Variants in HDAC4 observed in about 807,000 individuals in gnomAD.
HDAC4 encodes histone deacetylase 4, also known as histone deacetylase A.
Under a neutral mutation model 135.1 loss-of-function variants are expected in HDAC4, and 16 were observed. That is an observed-to-expected ratio of 0.12 (90% confidence interval 0.08 to 0.18). The LOEUF is 0.18. Among genes scored for constraint, HDAC4 ranks in the 10% least tolerant of loss-of-function variants. The pLI is 1.00. For missense variants in HDAC4, 1,143 were observed against 1,511.8 expected (o/e 0.76, Z 4.05); for synonymous variants, 685 against 653.4 (o/e 1.05, Z -0.74).
chr2:239,058,817 C>T lies in HDAC4; in HGVS notation c.3004-3984G>A, dbSNP rs187312037. Among the ~76,000 whole-genome samples, 164 of 152,324 alleles carry T rather than the reference C, an allele frequency of 1.1e-3. 1 individual carries two copies. Among genetic ancestry groups the T allele is most frequent in the African/African-American group, 3.7e-3 (154 of 41,574 alleles). On this transcript the variant is annotated intron_variant, in intron 24 of 26. Coordinates refer to ENST00000543185, the MANE Select transcript of HDAC4 (RefSeq NM_001378414.1). ...GTCTTTCTCAGATCCAGCAGACAAT[C>T]GTCGGTCAGGAAAACCAAAGCGTGA...
chr2:239,202,832 C>T (rs2045837742), intron 3 of HDAC4, among the ~76,000 whole-genome samples: 2 of 152,184 alleles, frequency 1.3e-5, no homozygotes, highest in African/African-American at 4.8e-5. Context: ...GATCAGGATG[C>T]CACGAGTGTG....
chr2:239,051,562 C>A lies in HDAC4; in HGVS notation c.*1535G>T, dbSNP rs1479262314. 1.3e-5 allele frequency: 2 copies of A among 152,466 alleles called. No individual in the cohort carries two copies. The highest frequency in any genetic ancestry group is 4.8e-5 in the African/African-American group (2 of 41,412). 9.4% of individuals were successfully genotyped at this position (152,466 alleles called of 1,614,324 possible). Reference sequence around the variant, plus strand: ...GGATCTTTTTGTGAAAAAATTCATACAAAAATCAACAGCAAATTTATATTC... The same window carrying A: ...GGATCTTTTTGTGAAAAAATTCATAAAAAAATCAACAGCAAATTTATATTC... On this transcript the variant is annotated 3_prime_UTR_variant, in exon 27 of 27. Coordinates refer to ENST00000543185, the MANE Select transcript of HDAC4 (RefSeq NM_001378414.1).
chr2:239,096,182 C>T lies in HDAC4; in HGVS notation c.2234-1126G>A, dbSNP rs141138961. Among the ~76,000 whole-genome samples the T allele has an allele frequency of 1.2e-4, 18 of 152,258 alleles. 1 individual carries two copies. In the East Asian group the frequency reaches 3.3e-3, roughly 28 times the overall value. ...GCCTCTTGCCTGGAGGGCTTGCCGG[C>T]CCGGTTAGCACGAGAGGAACCCTTC... On this transcript the variant is annotated intron_variant, in intron 16 of 26. Transcript: ENST00000543185.
At chr2:239,163,072 C>T (rs551982268) in intron 6 of HDAC4, among the ~76,000 whole-genome samples, 1 of 115,324 alleles carries the variant, frequency 8.7e-6, no homozygotes, top group African/African-American at 3.5e-5. Flanking sequence ...CTCGCTCGCA[C>T]TGTGCTCTGT....
chr2:239,225,262 C>T (rs1296213647), intron 3 of HDAC4, among the ~76,000 whole-genome samples: 1 of 152,210 alleles, frequency 6.6e-6, no homozygotes, highest in Admixed American at 6.5e-5. Context: ...CCCATTTGAA[C>T]CCCAAGGGAA....
At chr2:239,380,301 T>C (rs918008802) in intron 1 of HDAC4, among the ~76,000 whole-genome samples, 1 of 152,088 alleles carries the variant, frequency 6.6e-6, no homozygotes, top group African/African-American at 2.4e-5. Context: ...TTTAACTTCT[T>C]ATATAATTCA....
intron 2 of HDAC4, among the ~76,000 whole-genome samples, chr2:239,347,396 A>G (rs1692793621): frequency 6.6e-6 from 1 of 152,100 alleles, no homozygotes; most frequent in Admixed American, 6.5e-5. Flanking sequence ...CATTGTGGAC[A>G]GAGACTTTTT....
At position 239,051,724 on chromosome 2, in the gene HDAC4, T is replaced by C. The variant is rs1053574168; in HGVS notation, c.*1373A>G. On this transcript the variant is annotated 3_prime_UTR_variant, in exon 27 of 27. Coordinates refer to ENST00000543185, the MANE Select transcript of HDAC4 (RefSeq NM_001378414.1). Reference sequence around the variant, plus strand: ...TGGCGAATGTGTTGGCGATCTGAAATCTAGCCAATCTGGAGCTTGAGAAAA... The same window carrying C: ...TGGCGAATGTGTTGGCGATCTGAAACCTAGCCAATCTGGAGCTTGAGAAAA... 6.6e-6 allele frequency: 1 copy of C among 152,576 alleles called. No individual in the cohort carries two copies. Among genetic ancestry groups the C allele is most frequent in the African/African-American group, 2.4e-5 (1 of 41,454 alleles). The allele number at this position is 152,576 out of a possible 1,614,324, so 9.5% of individuals were successfully genotyped here.
rs1033562069 is a variant in HDAC4 at position 239,307,463 on chromosome 2, A to AC, written c.22+45214dup. Reference sequence around the variant, plus strand: ...AAAGACCAAGTGGCTACAAAAGGGAACCCCCCTCCCACCACTAATCAGGGA... The same window carrying AC: ...AAAGACCAAGTGGCTACAAAAGGGAACCCCCCCTCCCACCACTAATCAGGGA... On this transcript the variant is annotated intron_variant, in intron 2 of 26. Transcript: ENST00000543185. This position sits in a 1 kb window ranked among gnomAD's most constrained non-coding sequence, Gnocchi z 4.8. Among the ~76,000 whole-genome samples the AC allele has an allele frequency of 1.3e-5, 2 of 151,328 alleles. No homozygotes were observed. The highest frequency in any genetic ancestry group is 2.9e-5 in the Non-Finnish European group (2 of 67,874).
At position 239,134,268 on chromosome 2, in the gene HDAC4, G is replaced by A. The variant is rs764264987; in HGVS notation, c.1271C>T (p.Pro424Leu). The change falls in exon 11 of 27, where the codon CCG becomes CTG. Residue 424 changes from proline to leucine, a missense_variant. Around this residue, in one of 9 missense-constraint regions of HDAC4, gnomAD observed 272 missense variants for 309.7 expected, o/e 0.88. Coordinates refer to ENST00000543185, the MANE Select transcript of HDAC4 (RefSeq NM_001378414.1). Reference sequence around the variant, plus strand: ...ACCTGTGACGAGGGGTGCTTGTGCCGGCGGCTGCTCCAGTAAGACCATGTG... The same window carrying A: ...ACCTGTGACGAGGGGTGCTTGTGCCAGCGGCTGCTCCAGTAAGACCATGTG... Reference protein sequence around the residue: ...LQHMVLLEQPPAQAPLVTDWY... With the variant: ...LQHMVLLEQPLAQAPLVTDWY... 32 of 1,612,122 alleles carry A rather than the reference G, an allele frequency of 2.0e-5. No individual in the cohort carries two copies. In the Admixed American group the frequency reaches 2.5e-4, roughly 13 times the overall value.
intron 11 of HDAC4, among the ~76,000 whole-genome samples, chr2:239,127,932 A>G (rs2040307984): frequency 6.6e-6 from 1 of 152,254 alleles, no homozygotes; most frequent in Non-Finnish European, 1.5e-5. Flanking sequence ...CATGCTGCTT[A>G]GTGCTTCTCA....
chr2:239,229,792 C>T (rs1340548828), intron 3 of HDAC4, among the ~76,000 whole-genome samples: 2 of 152,098 alleles, frequency 1.3e-5, no homozygotes, highest in Non-Finnish European at 2.9e-5. Flanking sequence ...GTGGATGAGG[C>T]CTCCAGGAAG....
rs946608586 is a variant in HDAC4 at position 239,146,603 on chromosome 2, C to T, written c.734-1889G>A. Reference sequence around the variant, plus strand: ...CGCTGCCACCAGGTCATCAGTCAGGCGGCAGATCCTCCACAGCCCTGCCGG... The same window carrying T: ...CGCTGCCACCAGGTCATCAGTCAGGTGGCAGATCCTCCACAGCCCTGCCGG... On this transcript the variant is annotated intron_variant, in intron 7 of 26. Transcript: ENST00000543185. The surrounding 1 kb of genome is among the most constrained non-coding windows in gnomAD (Gnocchi z 4.5). Among the ~76,000 whole-genome samples the T allele has an allele frequency of 1.3e-5, 2 of 152,148 alleles. No homozygotes were observed. Among genetic ancestry groups the T allele is most frequent in the African/African-American group, 4.8e-5 (2 of 41,436 alleles).
intron 12 of HDAC4, among the ~76,000 whole-genome samples, chr2:239,116,393 C>T (rs1266523657): frequency 1.3e-5 from 2 of 152,344 alleles, no homozygotes; most frequent in South Asian, 4.1e-4. Flanking sequence ...CTCTCTCTGG[C>T]CAGCTGTCCA....
At chr2:239,081,310 CCCA>C in intron 21 of HDAC4, 118 bp from the exon 22 acceptor site, 2 of 806,318 alleles carry the variant, frequency 2.5e-6, no homozygotes, top group East Asian at 5.3e-5. Context: ...CTGGGGAGAG[CCCA>C]CGTGTCCTGA....
intron 1 of HDAC4, among the ~76,000 whole-genome samples, chr2:239,398,883 C>A (rs888126653): frequency 1.3e-5 from 2 of 152,214 alleles, no homozygotes; most frequent in African/African-American, 4.8e-5. Flanking sequence ...GAGAAAGAAC[C>A]CTAAAGAGGG....
intron 1 of HDAC4, among the ~76,000 whole-genome samples, chr2:239,379,051 G>A (rs1488587641): frequency 1.3e-5 from 2 of 152,210 alleles, no homozygotes; most frequent in South Asian, 2.1e-4. Context: ...AAGAGGAAGT[G>A]CCCTAGGGAA....
intron 6 of HDAC4, chr2:239,161,947 G>A (rs1422356510): frequency 5.3e-6 from 2 of 374,622 alleles, no homozygotes; most frequent in African/African-American, 2.1e-5. Context: ...TGGGCCTGCT[G>A]CTCCGTCCTC....
chr2:239,380,775 G>C (rs931865538), intron 1 of HDAC4, among the ~76,000 whole-genome samples: 4 of 152,234 alleles, frequency 2.6e-5, no homozygotes, highest in Non-Finnish European at 4.4e-5. Flanking sequence ...CAAACTGCTT[G>C]TTCACATGGA....
Sources: gnomAD v4.1 joint callset for allele counts (sites outside exome capture counted in the v4.1 genomes callset) on GRCh38, gnomAD v4.1.1 for gene constraint, gnomAD v4.1.1 regional missense constraint, Gnocchi (gnomAD v3.1) non-coding constraint, MANE v1.5 for transcripts, NCBI Gene and HGNC (gene_info 2026-07-23, HGNC 2026-07-21) for gene names.